The following LRRC4C variants were observed in gnomAD, a reference collection of about 807,000 sequenced individuals.
LRRC4C encodes the protein leucine-rich repeat-containing protein 4C.
A neutral mutation model predicts 33.6 loss-of-function variants in LRRC4C; 5 were observed. That is an observed-to-expected ratio of 0.15 (90% confidence interval 0.08 to 0.31). LRRC4C has a LOEUF of 0.31. Ranked by LOEUF, LRRC4C falls within the 10% of genes least tolerant of loss-of-function variation. The pLI is 1.00. For synonymous variants in LRRC4C, 329 were observed against 302.0 expected (o/e 1.09, Z -0.93); for missense variants, 560 against 796.7 (o/e 0.70, Z 3.58).
intron 3 of LRRC4C, among the ~76,000 whole-genome samples, chr11:40,543,455 G>T (rs951372350): frequency 1.3e-5 from 2 of 151,958 alleles, no homozygotes; most frequent in Admixed American, 6.6e-5. Context: ...TCTTGTGTTT[G>T]CCTCCTCACA....
chr11:40,373,601 A>G (rs1183608869), intron 3 of LRRC4C, among the ~76,000 whole-genome samples: 1 of 152,156 alleles, frequency 6.6e-6, no homozygotes, highest in African/African-American at 2.4e-5. Flanking sequence ...TCATATTGCA[A>G]TGTAACTCCC....
intron 1 of LRRC4C, among the ~76,000 whole-genome samples, chr11:41,156,074 G>T (rs1478621928): frequency 6.6e-6 from 1 of 151,992 alleles, no homozygotes; most frequent in South Asian, 2.1e-4. Context: ...GATCTGAATC[G>T]ATTCTTTGTA....
intron 1 of LRRC4C, among the ~76,000 whole-genome samples, chr11:41,277,220 G>A (rs777334372): frequency 6.6e-6 from 1 of 152,080 alleles, no homozygotes; most frequent in South Asian, 2.1e-4. Flanking sequence ...TAACATGAAT[G>A]CTAACATGGC....
intron 3 of LRRC4C, among the ~76,000 whole-genome samples, chr11:40,501,571 C>A (rs976518551): frequency 6.6e-6 from 1 of 152,220 alleles, no homozygotes; most frequent in South Asian, 2.1e-4. Context: ...TTGGGGCTTG[C>A]ACCCTCTGAA....
chr11:40,375,775 C>T (rs1948634716), intron 3 of LRRC4C, among the ~76,000 whole-genome samples: 1 of 152,198 alleles, frequency 6.6e-6, no homozygotes, highest in East Asian at 1.9e-4. Flanking sequence ...ATTGAACTGA[C>T]CAACGCTTGG....
intron 1 of LRRC4C, among the ~76,000 whole-genome samples, chr11:40,998,686 A>G (rs1380719940): frequency 2.0e-5 from 3 of 152,126 alleles, no homozygotes; most frequent in African/African-American, 7.2e-5. Context: ...AGCTTTCTGT[A>G]TCATCTTTTT....
At chr11:41,355,359 C>T (rs920096676) in intron 1 of LRRC4C, among the ~76,000 whole-genome samples, 30 of 152,116 alleles carry the variant, frequency 2.0e-4, no homozygotes, top group South Asian at 2.1e-4. Context: ...ACCAAAATTA[C>T]TCTGTGAAAC....
At chr11:41,004,485 G>A (rs1854596527) in intron 1 of LRRC4C, among the ~76,000 whole-genome samples, 2 of 152,082 alleles carry the variant, frequency 1.3e-5, no homozygotes, top group Admixed American at 1.3e-4. Context: ...TCCTAAAATA[G>A]GCTAAAAGAA....
At chr11:40,400,917 C>T (rs1416089313) in intron 3 of LRRC4C, among the ~76,000 whole-genome samples, 6 of 152,098 alleles carry the variant, frequency 3.9e-5, no homozygotes, top group Non-Finnish European at 8.8e-5. Context: ...TCTTTCTCCC[C>T]TACCAATCTA....
At chr11:40,358,995 T>G (rs1947818835) in intron 3 of LRRC4C, among the ~76,000 whole-genome samples, 1 of 152,194 alleles carries the variant, frequency 6.6e-6, no homozygotes, top group African/African-American at 2.4e-5. Flanking sequence ...TGCTAATGAT[T>G]TTCATCAGCT....
intron 1 of LRRC4C, among the ~76,000 whole-genome samples, chr11:41,335,414 C>A (rs1394942436): frequency 1.3e-5 from 2 of 152,106 alleles, no homozygotes; most frequent in African/African-American, 4.8e-5. Context: ...GCTTATGACT[C>A]CATGAAACTG....
chr11:40,176,499 T>C (rs77521001), intron 5 of LRRC4C, among the ~76,000 whole-genome samples: 5,359 of 151,956 alleles, frequency 0.035, 315 homozygotes, highest in African/African-American at 0.12. Context: ...ATTAGATTGG[T>C]GTTTTAAAAG....
intron 1 of LRRC4C, among the ~76,000 whole-genome samples, chr11:41,080,402 A>G (rs1939485815): frequency 8.3e-6 from 1 of 121,118 alleles, no homozygotes; most frequent in African/African-American, 3.2e-5. Context: ...CCCAGGGTGG[A>G]GTGCAATGGC....
At chr11:41,160,825 C>A (rs1452365778) in intron 1 of LRRC4C, among the ~76,000 whole-genome samples, 1 of 152,092 alleles carries the variant, frequency 6.6e-6, no homozygotes, top group Non-Finnish European at 1.5e-5. Context: ...GAAGGAAATT[C>A]TCATAGTAGT....
intron 2 of LRRC4C, among the ~76,000 whole-genome samples, chr11:40,721,797 C>T (rs1055257396): frequency 6.6e-6 from 1 of 151,620 alleles, no homozygotes; most frequent in Non-Finnish European, 1.5e-5. Flanking sequence ...AAAAATTAGC[C>T]GGGCGCGGTG....
At chr11:41,182,128 G>A (rs887168640) in intron 1 of LRRC4C, among the ~76,000 whole-genome samples, 2 of 152,114 alleles carry the variant, frequency 1.3e-5, no homozygotes, top group Non-Finnish European at 2.9e-5. Context: ...CTTTTTTAAA[G>A]CAATTATACT....
intron 3 of LRRC4C, among the ~76,000 whole-genome samples, chr11:40,513,825 A>G (rs1590967324): frequency 6.6e-6 from 1 of 152,002 alleles, no homozygotes; most frequent in South Asian, 2.1e-4. Flanking sequence ...TTTGGCTTCC[A>G]TTTTCTTTTT....
At chr11:41,305,083 C>T (rs1431054349) in intron 1 of LRRC4C, among the ~76,000 whole-genome samples, 2 of 56,332 alleles carry the variant, frequency 3.6e-5, no homozygotes, top group African/African-American at 5.7e-5. Flanking sequence ...CCAGCCGCCC[C>T]GTCCGGGAGG....
chr11:40,986,097 T>A (rs960882519), intron 1 of LRRC4C, among the ~76,000 whole-genome samples: 1 of 152,208 alleles, frequency 6.6e-6, no homozygotes, highest in African/African-American at 2.4e-5. Context: ...TTCCACATTA[T>A]ATTTGCAACA....
Sources: gnomAD v4.1 joint callset for allele counts (sites outside exome capture counted in the v4.1 genomes callset) on GRCh38, gnomAD v4.1.1 for gene constraint, MANE v1.5 for transcripts, NCBI Gene and HGNC (gene_info 2026-07-23, HGNC 2026-07-21) for gene names.